ZBTB20: variants seen among roughly 807,000 people sequenced by gnomAD.
ZBTB20 encodes zinc finger and BTB domain containing 20, also known as zinc finger and BTB domain-containing protein 20.
In ZBTB20, 9 loss-of-function variants were observed where a neutral mutation model predicts 56.9. That is an observed-to-expected ratio of 0.16 (90% CI 0.10 to 0.28). The LOEUF (loss-of-function observed/expected upper bound fraction) is 0.28. ZBTB20 is among the 10% of genes least tolerant of loss of function. The pLI, the probability that ZBTB20 is intolerant of heterozygous loss-of-function variation, is 1.00. For synonymous variants in ZBTB20, 417 were observed against 420.7 expected, an observed-to-expected ratio of 0.99 and a Z score of 0.11; for missense variants, 655 against 1,003.0, an observed-to-expected ratio of 0.65 and a Z score of 4.69.
rs138575383 is a variant in ZBTB20 at position 114,497,097 on chromosome 3, A to G, written c.-255+3255T>C. Among the ~76,000 whole-genome samples the G allele has an allele frequency of 1.2e-3, 184 of 152,332 alleles. 2 individuals carry two copies. The East Asian group carries it at 0.022, about 18-fold the overall frequency. ...TCTCCTAGAAGGCAAAGATTATGCA[A>G]TAGGCCAAGATATGCTGGAATTACA... On this transcript the variant is annotated intron_variant, in intron 7 of 11. Transcript: ENST00000675478.
Position 114,327,573 on chromosome 3 carries a change from C to T in ZBTB20, c.*11432G>A, listed in dbSNP as rs1282371607. ...TATTGCCTTTAAGAGATGTTGTTTT[C>T]CTACTAGATGCATGCCTCATAAAGG... On this transcript the variant is annotated 3_prime_UTR_variant, in exon 12 of 12. Coordinates refer to ENST00000675478, the MANE Select transcript of ZBTB20 (RefSeq NM_001348800.3). The T allele has an allele frequency of 6.6e-6, 1 of 152,064 alleles. No individual in the cohort carries two copies. Among genetic ancestry groups the T allele is most frequent in the East Asian group, 1.9e-4 (1 of 5,196 alleles). 9.4% of individuals were successfully genotyped at this position (152,064 alleles called of 1,614,324 possible).
chr3:114,425,427 A>C (rs1406017764), intron 7 of ZBTB20, among the ~76,000 whole-genome samples: 14 of 152,032 alleles, frequency 9.2e-5, no homozygotes, highest in Non-Finnish European at 2.1e-4. Context: ...CAATACACAA[A>C]ATTTGAATAC....
In ZBTB20 at chr3:114,366,451, C is replaced by G. The variant is rs147885209; in HGVS notation, c.199+13766G>C. On this transcript the variant is annotated intron_variant, in intron 10 of 11. Transcript: ENST00000675478. ...TTTTCAAACTACACATATATTTTCT[C>G]TGTAAATATTGTACCATCTAATTTG... 3.3e-3 allele frequency among the ~76,000 whole-genome samples: 502 copies of G among 152,246 alleles called. 2 individuals are homozygous for G. The highest frequency in any genetic ancestry group is 0.011 in the African/African-American group (474 of 41,532).
chr3:114,642,307 GC>G (rs2059603833), intron 6 of ZBTB20, among the ~76,000 whole-genome samples: 1 of 152,008 alleles, frequency 6.6e-6, no homozygotes, highest in African/African-American at 2.4e-5. Flanking sequence ...TGTTTAACAA[GC>G]CCCTCTTTTA....
At chr3:114,512,814 C>T (rs574020382) in intron 6 of ZBTB20, among the ~76,000 whole-genome samples, 2 of 152,190 alleles carry the variant, frequency 1.3e-5, no homozygotes, top group South Asian at 2.1e-4. Flanking sequence ...CCCTAAGATA[C>T]ATATCTCAAG....
intron 7 of ZBTB20, among the ~76,000 whole-genome samples, chr3:114,460,292 G>GC (rs948972067): frequency 6.2e-4 from 94 of 151,522 alleles, no homozygotes; most frequent in Admixed American, 2.8e-3. Context: ...CTGAGGAATG[G>GC]CCCCCCCCAA....
chr3:114,423,805 C>G (rs185783183), intron 7 of ZBTB20, among the ~76,000 whole-genome samples: 9 of 152,150 alleles, frequency 5.9e-5, no homozygotes, highest in South Asian at 4.1e-4. Flanking sequence ...ACAGGTGAAC[C>G]AGAAGAGTTC....
At chr3:114,470,940 A>C (rs978592053) in intron 7 of ZBTB20, among the ~76,000 whole-genome samples, 5 of 152,150 alleles carry the variant, frequency 3.3e-5, no homozygotes, top group African/African-American at 1.2e-4. Flanking sequence ...TAAGTCTCTG[A>C]TCTCCTGGAG....
chr3:115,107,849 G>C (rs2083767421), intron 1 of ZBTB20, among the ~76,000 whole-genome samples: 1 of 152,198 alleles, frequency 6.6e-6, no homozygotes, highest in Non-Finnish European at 1.5e-5. Context: ...CATGGACATA[G>C]ATGAATCTGG....
chr3:114,648,602 G>C (rs1229617884), intron 6 of ZBTB20, among the ~76,000 whole-genome samples: 1 of 151,958 alleles, frequency 6.6e-6, no homozygotes, highest in Non-Finnish European at 1.5e-5. Flanking sequence ...CCCCCTAAAA[G>C]ATAGCATTTG....
chr3:114,739,934 TG>T (rs780063203), intron 5 of ZBTB20, among the ~76,000 whole-genome samples: 1 of 152,216 alleles, frequency 6.6e-6, no homozygotes, highest in East Asian at 1.9e-4. Context: ...GTACACATGG[TG>T]TTTATCTTTC....
chr3:114,406,321 T>C (rs765279357), intron 7 of ZBTB20, among the ~76,000 whole-genome samples: 1 of 152,174 alleles, frequency 6.6e-6, no homozygotes, highest in Non-Finnish European at 1.5e-5. Context: ...AAAGAGTTAC[T>C]AAAATTAAGA....
At chr3:114,381,806 G>A (rs900264862) in intron 8 of ZBTB20, among the ~76,000 whole-genome samples, 6 of 152,312 alleles carry the variant, frequency 3.9e-5, no homozygotes, top group Admixed American at 3.3e-4. Context: ...TTCTTCAGAG[G>A]GCAGGAGGCA....
At chr3:114,833,097 G>A (rs1000088174) in intron 4 of ZBTB20, among the ~76,000 whole-genome samples, 2 of 152,070 alleles carry the variant, frequency 1.3e-5, no homozygotes, top group Non-Finnish European at 2.9e-5. Flanking sequence ...AATTTTGGAA[G>A]TTTTTGATTC....
chr3:114,535,605 C>T (rs948716875), intron 6 of ZBTB20, among the ~76,000 whole-genome samples: 2 of 152,006 alleles, frequency 1.3e-5, no homozygotes, highest in African/African-American at 2.4e-5. Flanking sequence ...TATTCCAGAT[C>T]ATAGAAAAAG....
intron 6 of ZBTB20, among the ~76,000 whole-genome samples, chr3:114,601,145 C>T (rs2056732790): frequency 6.6e-6 from 1 of 152,002 alleles, no homozygotes; most frequent in Admixed American, 6.6e-5. Context: ...ATCTTTAGAG[C>T]TCAGGTAGGA....
At chr3:114,568,597 A>G (rs759731911) in intron 6 of ZBTB20, among the ~76,000 whole-genome samples, 27 of 152,326 alleles carry the variant, frequency 1.8e-4, no homozygotes, top group Non-Finnish European at 3.2e-4. Flanking sequence ...TCAACAGCCT[A>G]TCAACACTTC....
At chr3:114,676,356 T>G (rs1217093730) in intron 6 of ZBTB20, among the ~76,000 whole-genome samples, 1 of 152,152 alleles carries the variant, frequency 6.6e-6, no homozygotes, top group Non-Finnish European at 1.5e-5. Context: ...GTAGTAATAA[T>G]AAAAGCAATT....
At chr3:114,378,051 A>G (rs1020076585) in intron 10 of ZBTB20, among the ~76,000 whole-genome samples, 9 of 152,172 alleles carry the variant, frequency 5.9e-5, no homozygotes, top group African/African-American at 1.4e-4. Context: ...TACCTTAAAG[A>G]AATTAGGCTT....
Sources: allele counts gnomAD v4.1 joint callset (sites outside exome capture counted in the v4.1 genomes callset), GRCh38; gene constraint gnomAD v4.1.1; transcripts MANE v1.5; gene names NCBI Gene and HGNC (gene_info 2026-07-23, HGNC 2026-07-21).